TMC1: variants seen among roughly 807,000 people sequenced by gnomAD.
The protein encoded by TMC1 is transmembrane channel-like protein 1.
Under a neutral mutation model 105.8 loss-of-function variants are expected in TMC1, and 84 were observed. The observed-to-expected ratio is 0.79, with a 90% confidence interval of 0.67 to 0.95. TMC1 has a LOEUF of 0.95. Ranked by LOEUF, TMC1 falls within the 40% of genes least tolerant of loss-of-function variation. The pLI, the probability that TMC1 is intolerant of heterozygous loss-of-function variation, is 0.00. For synonymous variants in TMC1, 315 were observed against 311.5 expected, an observed-to-expected ratio of 1.01 and a Z score of -0.12; for missense variants, 817 against 914.1, an observed-to-expected ratio of 0.89 and a Z score of 1.37.
intron 13 of TMC1, among the ~76,000 whole-genome samples, chr9:72,781,801 A>G (rs1828097725): frequency 6.6e-6 from 1 of 152,148 alleles, no homozygotes. Context: ...AACAAATTCT[A>G]GAATTGAATC....
At chr9:72,709,010 C>CA (rs1554722135) in intron 8 of TMC1, among the ~76,000 whole-genome samples, 3 of 142,530 alleles carry the variant, frequency 2.1e-5, no homozygotes, top group African/African-American at 2.6e-5. Flanking sequence ...ATTTTTTTTT[C>CA]GGGGGGGTGG....
chr9:72,728,404 A>G (rs1399650660), intron 8 of TMC1, among the ~76,000 whole-genome samples: 1 of 152,196 alleles, frequency 6.6e-6, no homozygotes. Context: ...CCTTCCAGGT[A>G]AGAGGGGAAT....
chr9:72,544,544 A>T (rs1484483301), intron 1 of TMC1, among the ~76,000 whole-genome samples: 1 of 147,210 alleles, frequency 6.8e-6, no homozygotes, highest in Admixed American at 6.8e-5. Context: ...CAGTGGTGCA[A>T]TCTCGGCTCA....
At chr9:72,663,997 G>A (rs1275407007) in intron 5 of TMC1, among the ~76,000 whole-genome samples, 2 of 152,054 alleles carry the variant, frequency 1.3e-5, no homozygotes, top group Non-Finnish European at 2.9e-5. Context: ...TTGTCCCACT[G>A]GAAGATCTTC....
At chr9:72,809,015 G>A (rs1347826555) in intron 18 of TMC1, 1 of 152,282 alleles carries the variant, frequency 6.6e-6, no homozygotes, top group African/African-American at 2.4e-5. Context: ...AATGGCTACA[G>A]ATACAGGATG....
intron 5 of TMC1, 87 bp from the exon 6 acceptor site, chr9:72,688,622 A>G (rs994984077): frequency 1.8e-5 from 23 of 1,261,022 alleles, no homozygotes; most frequent in Non-Finnish European, 2.4e-5. Context: ...CAAAAACATT[A>G]TGATAAAAAC....
At chr9:72,816,698 C>G (rs1426117282) in intron 19 of TMC1, among the ~76,000 whole-genome samples, 1 of 152,030 alleles carries the variant, frequency 6.6e-6, no homozygotes, top group South Asian at 2.1e-4. Flanking sequence ...TTAGGAAGGT[C>G]GAGTTAAAAT....
intron 12 of TMC1, among the ~76,000 whole-genome samples, chr9:72,762,836 A>G (rs1178278005): frequency 6.6e-6 from 1 of 151,976 alleles, no homozygotes; most frequent in East Asian, 1.9e-4. Flanking sequence ...TCACTTCCTC[A>G]ATGTCCAGTG....
intron 17 of TMC1, among the ~76,000 whole-genome samples, chr9:72,799,628 A>G (rs1189139066): frequency 6.6e-6 from 1 of 152,100 alleles, no homozygotes; most frequent in Non-Finnish European, 1.5e-5. Flanking sequence ...TGATTTTCAG[A>G]CATGCACATT....
At chr9:72,819,086 A>G (rs1205831950) in intron 19 of TMC1, among the ~76,000 whole-genome samples, 1 of 152,250 alleles carries the variant, frequency 6.6e-6, no homozygotes, top group African/African-American at 2.4e-5. Flanking sequence ...GTAGCAGCTC[A>G]TAAAAGGAAC....
chr9:72,725,844 C>A (rs1827115424), intron 8 of TMC1, among the ~76,000 whole-genome samples: 1 of 152,100 alleles, frequency 6.6e-6, no homozygotes, highest in African/African-American at 2.4e-5. Context: ...GTGGCCGCCA[C>A]CATGCCCGGC....
chr9:72,530,805 A>G (rs1587940461), intron 1 of TMC1, among the ~76,000 whole-genome samples: 1 of 144,054 alleles, frequency 6.9e-6, no homozygotes, highest in Non-Finnish European at 1.5e-5. Flanking sequence ...CTAATTTGCC[A>G]CTTGTTTTCT....
At position 72,755,092 on chromosome 9, in the gene TMC1, GAGAGAA is replaced by G. The variant is rs756603110; in HGVS notation, c.741+212_741+217del. ...GGAGGGAGAGAGAGAGAGAGAGAGA[GAGAGAA>G]AGAAAGAAAGAAAGAGAAAGAAAGA... On this transcript the variant is annotated intron_variant, in intron 12 of 23. Transcript: ENST00000297784. Among the ~76,000 whole-genome samples, 9,021 of 145,318 alleles carry G rather than the reference GAGAGAA, an allele frequency of 0.062. 261 individuals are homozygous for G. The highest frequency in any genetic ancestry group is 0.1 in the African/African-American group (3,809 of 36,920).
At chr9:72,734,083 C>T (rs1241855173) in intron 8 of TMC1, among the ~76,000 whole-genome samples, 2 of 152,174 alleles carry the variant, frequency 1.3e-5, no homozygotes, top group Non-Finnish European at 2.9e-5. Flanking sequence ...ATTTGCTGAA[C>T]AAAGGGAAGA....
chr9:72,593,305 A>G (rs1442483449), intron 2 of TMC1, among the ~76,000 whole-genome samples: 1 of 150,464 alleles, frequency 6.6e-6, no homozygotes, highest in Non-Finnish European at 1.5e-5. Flanking sequence ...TTGGGAGGCC[A>G]TGGTGGAAGG....
chr9:72,642,498 A>G (rs1210793758), intron 4 of TMC1, among the ~76,000 whole-genome samples: 2 of 152,226 alleles, frequency 1.3e-5, no homozygotes, highest in Non-Finnish European at 2.9e-5. Flanking sequence ...TCAGGTAGGG[A>G]TTGACTGCAT....
chr9:72,534,787 A>C (rs1410137742), intron 1 of TMC1, among the ~76,000 whole-genome samples: 1 of 152,204 alleles, frequency 6.6e-6, no homozygotes, highest in Non-Finnish European at 1.5e-5. Context: ...TTTCATTCTA[A>C]ATGCTGAAAA....
At chr9:72,600,038 T>C (rs1056696445) in intron 2 of TMC1, among the ~76,000 whole-genome samples, 4 of 151,746 alleles carry the variant, frequency 2.6e-5, no homozygotes, top group Admixed American at 2.6e-4. Context: ...TTTGTGGAGG[T>C]TGTGTAATTG....
chr9:72,529,472 A>G (rs1436166864), intron 1 of TMC1, among the ~76,000 whole-genome samples: 1 of 152,136 alleles, frequency 6.6e-6, no homozygotes, highest in Non-Finnish European at 1.5e-5. Flanking sequence ...ATTCTGCTGT[A>G]ATAAACCTGC....
Sources: allele counts gnomAD v4.1 joint callset (sites outside exome capture counted in the v4.1 genomes callset), GRCh38; gene constraint gnomAD v4.1.1; transcripts MANE v1.5; gene names NCBI Gene and HGNC (gene_info 2026-07-23, HGNC 2026-07-21).